Variants in LRRC1 observed in about 807,000 individuals in gnomAD.
LRRC1 encodes the protein leucine-rich repeat-containing protein 1.
LRRC1 carries 28 observed loss-of-function variants against 69.9 expected under a neutral mutation model. That is an observed-to-expected ratio of 0.40 (90% CI 0.30 to 0.55). LRRC1 has a LOEUF of 0.55. LRRC1 is among the 20% of genes least tolerant of loss of function. The pLI is 0.47. For missense variants in LRRC1, 498 were observed against 609.0 expected, an observed-to-expected ratio of 0.82 and a Z score of 1.92; for synonymous variants, 236 against 240.2, an observed-to-expected ratio of 0.98 and a Z score of 0.16.
chr6:53,821,141 T>G (rs1218053270), intron 1 of LRRC1, among the ~76,000 whole-genome samples: 1 of 152,250 alleles, frequency 6.6e-6, no homozygotes, highest in African/African-American at 2.4e-5. Context: ...CAGGGTTCAC[T>G]GTTCAGCTCT....
In LRRC1 at chr6:53,902,707, A is replaced by G. The variant is rs1173599741; in HGVS notation, c.866A>G (p.Glu289Gly). The G allele has an allele frequency of 1.2e-6, 2 of 1,613,280 alleles. No homozygotes were observed. Among genetic ancestry groups the G allele is most frequent in the Non-Finnish European group, 1.7e-6 (2 of 1,179,610 alleles). ...TQLPEAVGEC[E>G]SLTELVLTEN... ...TTGCCTGAAGCAGTTGGGGAATGTG[A>G]AAGTCTCACTGAGTTAGTTCTTACA... Residue 289 changes from glutamate to glycine, a missense_variant, in exon 9 of 14, where the codon GAA (glutamate) becomes GGA (glycine). Transcript: ENST00000370888.
chr6:53,870,585 A>C (rs1766850449), intron 2 of LRRC1, among the ~76,000 whole-genome samples: 1 of 152,152 alleles, frequency 6.6e-6, no homozygotes, highest in Non-Finnish European at 1.5e-5. Context: ...ATAGTGATCA[A>C]ATCAGGGTAG....
At chr6:53,897,453 G>T in intron 7 of LRRC1, 94 bp downstream of exon 7, 1 of 923,194 alleles carries the variant, frequency 1.1e-6, no homozygotes, top group Non-Finnish European at 1.6e-6. Context: ...TGCTATAAAA[G>T]GATCTTGAAA....
chr6:53,911,848 A>G (rs1768421941), intron 10 of LRRC1, among the ~76,000 whole-genome samples: 1 of 152,188 alleles, frequency 6.6e-6, no homozygotes, highest in East Asian at 1.9e-4. Flanking sequence ...CTTTCCTTCC[A>G]TGATATTTCT....
chr6:53,908,035 T>C (rs970092686), intron 10 of LRRC1, among the ~76,000 whole-genome samples: 1 of 152,216 alleles, frequency 6.6e-6, no homozygotes, highest in African/African-American at 2.4e-5. Flanking sequence ...GTTGCTTAAG[T>C]ATATATACTT....
chr6:53,888,645 T>C (rs1432535806), intron 4 of LRRC1, among the ~76,000 whole-genome samples: 1 of 152,172 alleles, frequency 6.6e-6, no homozygotes, highest in Non-Finnish European at 1.5e-5. Context: ...CAAATGCTGT[T>C]GGGAAAACTA....
At chr6:53,805,539 A>G (rs1438443275) in intron 1 of LRRC1, among the ~76,000 whole-genome samples, 2 of 152,140 alleles carry the variant, frequency 1.3e-5, no homozygotes, top group Non-Finnish European at 2.9e-5. Flanking sequence ...TGAAGTATAC[A>G]TAGTTGTTAG....
intron 2 of LRRC1, among the ~76,000 whole-genome samples, chr6:53,842,705 G>A (rs1178789755): frequency 2.6e-5 from 4 of 152,174 alleles, no homozygotes; most frequent in Admixed American, 6.5e-5. Flanking sequence ...CTGGGGAAGG[G>A]TTGGTTTCTC....
chr6:53,837,207 T>C (rs962439530), intron 1 of LRRC1, among the ~76,000 whole-genome samples: 1 of 144,750 alleles, frequency 6.9e-6, no homozygotes, highest in African/African-American at 2.6e-5. Flanking sequence ...GGAAAAAATA[T>C]ATGTGAGAGT....
chr6:53,859,778 T>A (rs1766436623), intron 2 of LRRC1, among the ~76,000 whole-genome samples: 1 of 152,182 alleles, frequency 6.6e-6, no homozygotes, highest in African/African-American at 2.4e-5. Flanking sequence ...TGACTATATA[T>A]TGCTTTATAA....
At chr6:53,906,775 G>C (rs1361220419) in intron 10 of LRRC1, among the ~76,000 whole-genome samples, 2 of 152,208 alleles carry the variant, frequency 1.3e-5, no homozygotes, top group Admixed American at 6.5e-5. Context: ...ATTATGATTG[G>C]TTTTCTGGCT....
chr6:53,920,424 T>A, intron 12 of LRRC1: 2 of 522,374 alleles, frequency 3.8e-6, no homozygotes, highest in Non-Finnish European at 6.8e-6. Context: ...GGCAACCTTG[T>A]CCCAGGCCTT....
chr6:53,908,344 A>C (rs1768303672), intron 10 of LRRC1, among the ~76,000 whole-genome samples: 1 of 152,218 alleles, frequency 6.6e-6, no homozygotes, highest in African/African-American at 2.4e-5. Context: ...CATTCATCAA[A>C]GCTTTTTTCA....
At chr6:53,834,902 C>A (rs1276418772) in intron 1 of LRRC1, among the ~76,000 whole-genome samples, 1 of 152,126 alleles carries the variant, frequency 6.6e-6, no homozygotes, top group African/African-American at 2.4e-5. Flanking sequence ...GCGGAGGTTG[C>A]AGTGAGCCGA....
Position 53,795,359 on chromosome 6 carries a change from G to A in LRRC1, c.103G>A (p.Ala35Thr), listed in dbSNP as rs1764261233. Reference sequence around the variant, plus strand: ...CGTCCCCGAGGAGATCTACCGCTATGCCCGGAGCCTGGAGGAGCTGCTGCT... The same window carrying A: ...CGTCCCCGAGGAGATCTACCGCTATACCCGGAGCCTGGAGGAGCTGCTGCT... ...VYVPEEIYRY[A>T]RSLEELLLDA... The change falls in exon 1 of 14, where the codon GCC becomes ACC. Residue 35 changes from alanine to threonine, a missense_variant. Ala to Thr is a moderately conservative substitution (Grantham distance 58). Around this residue, in one of 3 missense-constraint regions of LRRC1, gnomAD observed 70 missense variants for 62.1 expected, o/e 1.13. Transcript: ENST00000370888. 6.2e-7 allele frequency: 1 copy of A among 1,613,654 alleles called. No individual in the cohort carries two copies. The highest frequency in any genetic ancestry group is 1.7e-5 in the Admixed American group (1 of 60,000).
intron 1 of LRRC1, among the ~76,000 whole-genome samples, chr6:53,798,630 T>C (rs958948290): frequency 6.6e-6 from 1 of 152,148 alleles, no homozygotes. Flanking sequence ...CCACCCGCCT[T>C]AGCCTCCCAA....
At chr6:53,874,756 A>G (rs1767010457) in intron 2 of LRRC1, among the ~76,000 whole-genome samples, 1 of 152,222 alleles carries the variant, frequency 6.6e-6, no homozygotes, top group African/African-American at 2.4e-5. Flanking sequence ...AAATCTTTCT[A>G]TTTTAGCCAT....
chr6:53,802,770 G>A (rs1419218995), intron 1 of LRRC1, among the ~76,000 whole-genome samples: 2 of 152,146 alleles, frequency 1.3e-5, no homozygotes, highest in East Asian at 3.8e-4. Context: ...TCATCATCCT[G>A]TGCTAGAGTA....
intron 1 of LRRC1, among the ~76,000 whole-genome samples, chr6:53,801,653 TA>T (rs1420968113): frequency 6.6e-6 from 1 of 152,098 alleles, no homozygotes; most frequent in African/African-American, 2.4e-5. Flanking sequence ...CTCTCATACT[TA>T]AAAGTGAGAA....
Sources: allele counts gnomAD v4.1 joint callset (sites outside exome capture counted in the v4.1 genomes callset), GRCh38; gene constraint gnomAD v4.1.1; regional missense constraint gnomAD v4.1.1; transcripts MANE v1.5; gene names NCBI Gene and HGNC (gene_info 2026-07-23, HGNC 2026-07-21).